CSMD1: variants seen among roughly 807,000 people sequenced by gnomAD.
CSMD1 encodes CUB and Sushi multiple domains 1, also known as CUB and sushi domain-containing protein 1.
CSMD1 carries 213 observed loss-of-function variants against 417.5 expected under a neutral mutation model. The ratio of observed to expected loss-of-function variants is 0.51; its 90% CI spans 0.46 to 0.57. The LOEUF is 0.57. Among genes scored for constraint, CSMD1 ranks in the 20% least tolerant of loss-of-function variants. The pLI is 0.00. For synonymous variants in CSMD1, 2,862 were observed against 1,736.8 expected (o/e 1.65, Z -16.11); for missense variants, 6,923 against 4,529.7 (o/e 1.53, Z -15.17).
At chr8:3,536,975 C>G (rs879281747) in intron 10 of CSMD1, among the ~76,000 whole-genome samples, 1 of 152,136 alleles carries the variant, frequency 6.6e-6, no homozygotes, top group African/African-American at 2.4e-5. Context: ...CAACATTGTG[C>G]AACAATAGGT....
intron 1 of CSMD1, among the ~76,000 whole-genome samples, chr8:4,878,496 G>A (rs951044046): frequency 6.6e-6 from 1 of 151,838 alleles, no homozygotes; most frequent in Non-Finnish European, 1.5e-5. Context: ...TCATGATGAT[G>A]ATGATGATGA....
intron 23 of CSMD1, among the ~76,000 whole-genome samples, chr8:3,334,411 C>G (rs890411245): frequency 6.6e-6 from 1 of 152,120 alleles, no homozygotes; most frequent in African/African-American, 2.4e-5. Context: ...TATTCCTGTC[C>G]AAAGCCACTC....
intron 18 of CSMD1, among the ~76,000 whole-genome samples, chr8:3,379,885 CA>C (rs980012698): frequency 1.3e-5 from 2 of 152,044 alleles, no homozygotes; most frequent in African/African-American, 2.4e-5. Flanking sequence ...CAACAGAATC[CA>C]AAATAGACAA....
intron 3 of CSMD1, among the ~76,000 whole-genome samples, chr8:4,109,913 G>T (rs912382714): frequency 6.6e-6 from 1 of 151,952 alleles, no homozygotes; most frequent in African/African-American, 2.4e-5. Flanking sequence ...AGGCAATTTG[G>T]GCACAGAAAA....
intron 1 of CSMD1, among the ~76,000 whole-genome samples, chr8:4,946,671 G>A (rs553311772): frequency 2.0e-5 from 3 of 152,278 alleles, no homozygotes; most frequent in Non-Finnish European, 4.4e-5. Context: ...ATGAAGCAAT[G>A]TGGTAACAAT....
In CSMD1 at chr8:4,753,237, G is replaced by C. The variant is rs77154177; in HGVS notation, c.86-115679C>G. Among the ~76,000 whole-genome samples, 1,262 of 151,876 alleles carry C rather than the reference G, an allele frequency of 8.3e-3. 12 individuals carry two copies. Among genetic ancestry groups the C allele is most frequent in the African/African-American group, 0.028 (1,168 of 41,476 alleles). ...ATGAGCTCATTTGCTTTTTTCTGCTGTTCTGGGCTGAGTCACAAAAGAAAA... is the reference window on the plus strand; with the variant it reads ...ATGAGCTCATTTGCTTTTTTCTGCTCTTCTGGGCTGAGTCACAAAAGAAAA... On this transcript the variant is annotated intron_variant, in intron 1 of 69. Transcript: ENST00000635120.
chr8:3,219,923 T>C (rs1169115882), intron 28 of CSMD1, among the ~76,000 whole-genome samples: 1 of 152,160 alleles, frequency 6.6e-6, no homozygotes, highest in Non-Finnish European at 1.5e-5. Context: ...CTTACTTTTA[T>C]TTTTACTTAA....
Position 4,783,080 on chromosome 8 carries a change from G to C in CSMD1, c.86-145522C>G, listed in dbSNP as rs182550688. ...CTTTCATAAACTTCAATAAATGATTGTAAAATCAATTCAGTCCACAGATAT... is the reference window on the plus strand; with the variant it reads ...CTTTCATAAACTTCAATAAATGATTCTAAAATCAATTCAGTCCACAGATAT... On this transcript the variant is annotated intron_variant, in intron 1 of 69. Coordinates refer to ENST00000635120, the MANE Select transcript of CSMD1 (RefSeq NM_033225.6). Among the ~76,000 whole-genome samples, 5 of 152,204 alleles carry C rather than the reference G, an allele frequency of 3.3e-5. No individual in the cohort carries two copies. In the East Asian group the frequency reaches 9.7e-4, roughly 29 times the overall value.
At chr8:4,297,989 T>A (rs1797776120) in intron 3 of CSMD1, among the ~76,000 whole-genome samples, 1 of 152,106 alleles carries the variant, frequency 6.6e-6, no homozygotes, top group Non-Finnish European at 1.5e-5. Context: ...GAAGAGGTGC[T>A]AAAATGTAGC....
chr8:4,208,283 C>G (rs1027828262), intron 3 of CSMD1, among the ~76,000 whole-genome samples: 1 of 151,954 alleles, frequency 6.6e-6, no homozygotes, highest in South Asian at 2.1e-4. Flanking sequence ...GGACAAGAAA[C>G]AAGAAGAATT....
chr8:4,653,310 C>G (rs1433685336), intron 1 of CSMD1, among the ~76,000 whole-genome samples: 2 of 152,062 alleles, frequency 1.3e-5, no homozygotes, highest in South Asian at 2.1e-4. Context: ...GATCACTAGG[C>G]GCAACCACAT....
At chr8:4,897,520 C>T (rs1017641476) in intron 1 of CSMD1, among the ~76,000 whole-genome samples, 1 of 151,972 alleles carries the variant, frequency 6.6e-6, no homozygotes, top group Non-Finnish European at 1.5e-5. Flanking sequence ...ATATCCTATT[C>T]GGTGACAAAA....
chr8:4,252,002 G>A (rs567854808), intron 3 of CSMD1, among the ~76,000 whole-genome samples: 1 of 152,138 alleles, frequency 6.6e-6, no homozygotes, highest in African/African-American at 2.4e-5. Flanking sequence ...TACAAGCATA[G>A]AGAACTTACG....
At chr8:3,874,496 G>A (rs938543534) in intron 5 of CSMD1, among the ~76,000 whole-genome samples, 4 of 152,120 alleles carry the variant, frequency 2.6e-5, no homozygotes, top group Non-Finnish European at 4.4e-5. Flanking sequence ...CTTTTATGAC[G>A]TTGCATTGAA....
At chr8:3,613,844 A>C (rs1802010176) in intron 8 of CSMD1, among the ~76,000 whole-genome samples, 1 of 152,194 alleles carries the variant, frequency 6.6e-6, no homozygotes. Context: ...AACACTTTCC[A>C]CCTAAGCTCA....
chr8:4,077,309 A>ATGTGTG (rs1554439919), intron 3 of CSMD1, among the ~76,000 whole-genome samples: 1 of 145,582 alleles, frequency 6.9e-6, no homozygotes, highest in Non-Finnish European at 1.5e-5. Context: ...ATATATATAT[A>ATGTGTG]TATATATATA....
At chr8:4,352,314 T>C (rs527954870) in intron 3 of CSMD1, among the ~76,000 whole-genome samples, 6 of 152,328 alleles carry the variant, frequency 3.9e-5, no homozygotes, top group African/African-American at 1.4e-4. Flanking sequence ...GAACTATCTA[T>C]GCCATCATAA....
chr8:4,260,202 C>G (rs577158551), intron 3 of CSMD1, among the ~76,000 whole-genome samples: 9 of 152,274 alleles, frequency 5.9e-5, no homozygotes, highest in African/African-American at 2.2e-4. Flanking sequence ...CAGGTGTTGC[C>G]TATCTAATTG....
chr8:3,296,291 G>A (rs917127482), intron 25 of CSMD1, among the ~76,000 whole-genome samples: 1 of 151,664 alleles, frequency 6.6e-6, no homozygotes, highest in Non-Finnish European at 1.5e-5. Context: ...CCAAGCAGAA[G>A]CCCCACGTAA....
Sources: allele counts gnomAD v4.1 joint callset (sites outside exome capture counted in the v4.1 genomes callset), GRCh38; gene constraint gnomAD v4.1.1; transcripts MANE v1.5; gene names NCBI Gene and HGNC (gene_info 2026-07-23, HGNC 2026-07-21).